FH: variants seen among roughly 807,000 people sequenced by gnomAD.
FH encodes fumarate hydratase.
In FH, 22 loss-of-function variants were observed where a neutral mutation model predicts 49.4. That is an observed-to-expected ratio of 0.45 (90% confidence interval 0.32 to 0.64). The LOEUF (loss-of-function observed/expected upper bound fraction) is 0.64. Among genes scored for constraint, FH ranks in the 30% least tolerant of loss-of-function variants. The probability of loss-of-function intolerance (pLI) is 0.05; values close to 1 mark genes in which losing one functional copy is unlikely to be tolerated. For synonymous variants in FH, 208 were observed against 223.0 expected (o/e 0.93, Z 0.60); for missense variants, 526 against 641.5 (o/e 0.82, Z 1.95).
chr1:241,506,262 T>C, intron 5 of FH, 94 bp from the exon 6 acceptor site: 2 of 926,918 alleles, frequency 2.2e-6, no homozygotes, highest in Non-Finnish European at 3.3e-6. Flanking sequence ...TAAAAATACC[T>C]TTCAGAATAC....
rs1659790996 is a variant in FH at position 241,501,898 on chromosome 1, A to G, written c.1236+545T>C. Among the ~76,000 whole-genome samples the G allele has an allele frequency of 2.0e-5, 3 of 152,364 alleles. No homozygotes were observed. In the South Asian group the frequency reaches 6.2e-4, roughly 32 times the overall value. Reference sequence around the variant, plus strand: ...TTCAAGTATGTGGAAAGGTAAAGCCAGACAATGAAACGAAGTCTGACAGGG... The same window carrying G: ...TTCAAGTATGTGGAAAGGTAAAGCCGGACAATGAAACGAAGTCTGACAGGG... On this transcript the variant is annotated intron_variant, in intron 8 of 9. Transcript: ENST00000366560.
At chr1:241,516,006 A>T (rs1224369615) in intron 2 of FH, among the ~76,000 whole-genome samples, 1 of 152,218 alleles carries the variant, frequency 6.6e-6, no homozygotes, top group African/African-American at 2.4e-5. Context: ...CATGGTTAAG[A>T]GTAATACTTT....
At chr1:241,516,101 T>G (rs544582108) in intron 2 of FH, among the ~76,000 whole-genome samples, 50 of 152,110 alleles carry the variant, frequency 3.3e-4, no homozygotes, top group Non-Finnish European at 1.5e-4. Context: ...TTTAAATTAG[T>G]GGGGGAAAAA....
rs1019366260 is a variant in FH at position 241,505,294 on chromosome 1, T to C, written c.904+709A>G. On this transcript the variant is annotated intron_variant, in intron 6 of 9. Transcript: ENST00000366560. Reference sequence around the variant, plus strand: ...AGCCAGGAGCCCACAAGATCCCCTATAAAAACAGTGTGCTAAAATGAGTTA... The same window carrying C: ...AGCCAGGAGCCCACAAGATCCCCTACAAAAACAGTGTGCTAAAATGAGTTA... 4.6e-5 allele frequency among the ~76,000 whole-genome samples: 7 copies of C among 152,282 alleles called. No individual in the cohort carries two copies. In the East Asian group the frequency reaches 1.2e-3, roughly 25 times the overall value.
At chr1:241,519,368 G>A (rs1395470176) in intron 1 of FH, 5 of 541,056 alleles carry the variant, frequency 9.2e-6, no homozygotes, top group Admixed American at 4.2e-5. Flanking sequence ...GACAGCCCCC[G>A]TCCCTCCCCA....
chr1:241,503,785 T>A (rs1472821480), intron 7 of FH, among the ~76,000 whole-genome samples: 1 of 152,250 alleles, frequency 6.6e-6, no homozygotes, highest in Non-Finnish European at 1.5e-5. Context: ...CAACCCGCGC[T>A]GATCACTTTA....
At chr1:241,512,201 CCA>C (rs772801098) in intron 3 of FH, 58 bp from the exon 4 acceptor site, 3 of 1,487,160 alleles carry the variant, frequency 2.0e-6, no homozygotes, top group Admixed American at 1.7e-5. Flanking sequence ...GCTGATTATG[CCA>C]CAGAGTTTGA....
chr1:241,517,248 A>G lies in FH; in HGVS notation c.201T>C (p.Tyr67=). The part of the protein sequence containing the change: ...FGELKVPNDK[Y]YGAQTVRSTM... Reference sequence around the variant, plus strand: ...TAGATCTCACGGTCTGGGCGCCATAATACTTATCATTTGGCACCTTTAGTT... The same window carrying G: ...TAGATCTCACGGTCTGGGCGCCATAGTACTTATCATTTGGCACCTTTAGTT... Residue 67 remains tyrosine, a synonymous_variant, in exon 2 of 10, where the codon TAT becomes TAC. Coordinates refer to ENST00000366560, the MANE Select transcript of FH (RefSeq NM_000143.4). 1 of 1,614,140 alleles carries G rather than the reference A, an allele frequency of 6.2e-7. No individual in the cohort carries two copies. The highest frequency in any genetic ancestry group is 8.5e-7 in the Non-Finnish European group (1 of 1,180,014).
At chr1:241,499,743 T>G (rs1205649492) in intron 9 of FH, among the ~76,000 whole-genome samples, 1 of 152,216 alleles carries the variant, frequency 6.6e-6, no homozygotes. Flanking sequence ...TAAAAGGCTT[T>G]TAACACATCA....
intron 9 of FH, among the ~76,000 whole-genome samples, chr1:241,499,142 A>G (rs571197212): frequency 3.0e-4 from 45 of 152,274 alleles, no homozygotes; most frequent in African/African-American, 9.1e-4. Flanking sequence ...CAAGTCCAAC[A>G]AGACACTATT....
chr1:241,509,486 A>AT (rs1226117629), intron 4 of FH, among the ~76,000 whole-genome samples: 1 of 152,180 alleles, frequency 6.6e-6, no homozygotes, highest in Non-Finnish European at 1.5e-5. Flanking sequence ...TTAAAACATA[A>AT]TATCAAGCTG....
At position 241,500,443 on chromosome 1, in the gene FH, G is replaced by T; in HGVS notation, c.1384C>A (p.His462Asn). Residue 462 changes from histidine (H) to asparagine (N), a missense_variant, in exon 9 of 10, where the codon CAT (histidine) becomes AAT (asparagine). His to Asn is a moderately conservative substitution (Grantham distance 68, BLOSUM62 1). Around this residue, in one of 2 missense-constraint regions of FH, gnomAD observed 383 missense variants for 514.0 expected, o/e 0.75. Transcript: ENST00000366560. ...SLMLVTALNP[H>N]IGYDKAAKIA... ...TTATTCCTTAAACACTTACCTATAT[G>T]AGGATTGAGAGCTGTCACCAACATT... 6.2e-7 allele frequency: 1 copy of T among 1,613,688 alleles called. No homozygotes were observed.
rs1262096783 is a variant in FH, at chr1:241,519,633, G to A, written c.90C>T (p.Gly30=). 5 of 1,547,786 alleles carry A rather than the reference G, an allele frequency of 3.2e-6. No homozygotes were observed. In the East Asian group the frequency reaches 7.3e-5, roughly 23 times the overall value. ...GAGGCCAAAACGAGGGCACGGCCGCGCCACCCAAGCCGGGAGCCGAAGCTA... is the reference window on the plus strand; with the variant it reads ...GAGGCCAAAACGAGGGCACGGCCGCACCACCCAAGCCGGGAGCCGAAGCTA... The part of the protein sequence containing the change: ...AALASAPGLG[G]AAVPSFWPPN... The change falls in exon 1 of 10, where the codon GGC becomes GGT. Residue 30 remains glycine, a synonymous_variant. Coordinates refer to ENST00000366560, the MANE Select transcript of FH (RefSeq NM_000143.4).
In FH at chr1:241,508,752, T is replaced by C. The variant is rs201764931; in HGVS notation, c.589A>G (p.Ile197Val). 2 of 1,613,898 alleles carry C rather than the reference T, an allele frequency of 1.2e-6. No individual in the cohort carries two copies. The highest frequency in any genetic ancestry group is 8.5e-7 in the Non-Finnish European group (1 of 1,179,840). Reference sequence around the variant, plus strand: ...TCATGAACTTCTATTGCAGCAGCAATGTGCATTGCTGTGGGAAAAGTATCA... The same window carrying C: ...TCATGAACTTCTATTGCAGCAGCAACGTGCATTGCTGTGGGAAAAGTATCA... Reference protein sequence around the residue: ...SNDTFPTAMHIAAAIEVHEVL... With the variant: ...SNDTFPTAMHVAAAIEVHEVL... Residue 197 changes from isoleucine (I) to valine (V), a missense_variant, in exon 5 of 10, where the codon ATT becomes GTT. Ile to Val is a conservative substitution (Grantham distance 29). Coordinates refer to ENST00000366560, the MANE Select transcript of FH (RefSeq NM_000143.4).
intron 8 of FH, 108 bp from the exon 9 acceptor site, chr1:241,500,698 A>T: frequency 6.9e-7 from 1 of 1,443,030 alleles, no homozygotes; most frequent in African/African-American, 1.4e-5. Flanking sequence ...GTTGACAGTA[A>T]ATATACAATT....
chr1:241,518,953 G>A (rs1476973711), intron 1 of FH: 2 of 152,186 alleles, frequency 1.3e-5, no homozygotes, highest in Non-Finnish European at 2.9e-5. Flanking sequence ...CGCGGTATTC[G>A]GAATTGAAGA....
chr1:241,511,526 G>A (rs1257892255), intron 4 of FH, among the ~76,000 whole-genome samples: 2 of 151,424 alleles, frequency 1.3e-5, no homozygotes, highest in African/African-American at 4.8e-5. Flanking sequence ...GAACATGAGT[G>A]GAAAAACTGA....
In FH at chr1:241,519,579, G is replaced by C. The variant is rs2147926802; in HGVS notation, c.132+12C>G. The C allele has an allele frequency of 6.5e-7, 1 of 1,546,486 alleles. No individual in the cohort carries two copies. Among genetic ancestry groups the C allele is most frequent in the Non-Finnish European group, 8.7e-7 (1 of 1,145,820 alleles). ...ACTGCGGGGAGGCCGGGGGATGGCG[G>C]CCTGCGCTCACCATTCGAGCCGCGT... is the stretch of plus-strand genomic sequence containing the variant. On this transcript the variant is annotated intron_variant, in intron 1 of 9. Transcript: ENST00000366560.
intron 2 of FH, 133 bp from the exon 3 acceptor site, chr1:241,513,846 C>T (rs989385527): frequency 7.2e-6 from 5 of 689,688 alleles, no homozygotes; most frequent in East Asian, 5.5e-5. Flanking sequence ...TAAAATGTTT[C>T]GGTTATAGAG....
Sources: gnomAD v4.1 joint callset for allele counts (sites outside exome capture counted in the v4.1 genomes callset) on GRCh38, gnomAD v4.1.1 for gene constraint, gnomAD v4.1.1 regional missense constraint, MANE v1.5 for transcripts, NCBI Gene and HGNC (gene_info 2026-07-23, HGNC 2026-07-21) for gene names.